The following OGFOD1 variants were observed in gnomAD, a reference collection of about 807,000 sequenced individuals.
OGFOD1 encodes 2-oxoglutarate and iron dependent oxygenase domain containing 1, also known as prolyl 3-hydroxylase OGFOD1.
Under a neutral mutation model 67.7 loss-of-function variants are expected in OGFOD1, and 54 were observed. The ratio of observed to expected loss-of-function variants is 0.80; its 90% CI spans 0.64 to 1.00. The LOEUF is 1.00. Among genes scored for constraint, OGFOD1 ranks in the 50% least tolerant of loss-of-function variants. The pLI, the probability that OGFOD1 is intolerant of heterozygous loss-of-function variation, is 0.00. For synonymous variants in OGFOD1, 221 were observed against 227.0 expected (o/e 0.97, Z 0.24); for missense variants, 606 against 646.7 (o/e 0.94, Z 0.68).
intron 1 of OGFOD1, 84 bp from the exon 2 acceptor site, chr16:56,453,179 C>T: frequency 7.2e-7 from 1 of 1,382,262 alleles, no homozygotes; most frequent in African/African-American, 1.4e-5. Flanking sequence ...ATGACCATCC[C>T]CTTTTGTATT....
chr16:56,465,062 C>T (rs531057490), intron 4 of OGFOD1, among the ~76,000 whole-genome samples: 1 of 151,016 alleles, frequency 6.6e-6, no homozygotes, highest in East Asian at 1.9e-4. Context: ...TACAGTGGTG[C>T]GATCTTGGCT....
chr16:56,456,454 C>T (rs1413583517), intron 2 of OGFOD1, among the ~76,000 whole-genome samples: 1 of 152,224 alleles, frequency 6.6e-6, no homozygotes, highest in African/African-American at 2.4e-5. Context: ...TCTAAATCTG[C>T]TCCACCTGCA....
chr16:56,459,073 G>A (rs912121417), intron 3 of OGFOD1, among the ~76,000 whole-genome samples: 3 of 152,340 alleles, frequency 2.0e-5, no homozygotes, highest in African/African-American at 7.2e-5. Flanking sequence ...GGGCGTGGTG[G>A]CTCACGCCTG....
At position 56,467,190 on chromosome 16, in the gene OGFOD1, A is replaced by G. The variant is rs765263701; in HGVS notation, c.683A>G (p.Lys228Arg). The change falls in exon 7 of 13, where the codon AAG becomes AGG. Residue 228 changes from lysine (K) to arginine (R), a missense_variant. Physicochemically the swap from Lys to Arg is conservative, Grantham distance 26 (BLOSUM62 2). Transcript: ENST00000566157. ...HQVSEVLSEE[K>R]SRLSISGWFH... ...GTGTCTGAAGTGCTGTCTGAAGAAA[A>G]GTCACGTTTGTCTATAAGTGGCTGG... is the stretch of plus-strand genomic sequence containing the variant. The G allele has an allele frequency of 8.7e-6, 14 of 1,614,122 alleles. No individual in the cohort carries two copies. Among genetic ancestry groups the G allele is most frequent in the Middle Eastern group, 1.6e-4 (1 of 6,062 alleles).
rs61745416 is a variant in OGFOD1 at position 56,476,160 on chromosome 16, A to C, written c.1584A>C (p.Pro528=). ...HRSLEQKKTF[P]NRTGFWDFSF... is the part of the protein sequence containing the mutation. ...GCCTGGAACAAAAGAAAACCTTCCC[A>C]AACAGAACAGGTTTCTGGGACTTTT... The change falls in exon 13 of 13, where the codon CCA becomes CCC. Residue 528 remains proline (P), a synonymous_variant. Transcript: ENST00000566157. 17,844 of 1,613,410 alleles carry C rather than the reference A, an allele frequency of 0.011. 130 individuals are homozygous for C. The highest frequency in any genetic ancestry group is 0.018 in the Middle Eastern group (98 of 5,530).
At chr16:56,454,277 G>C (rs1488251795) in intron 2 of OGFOD1, among the ~76,000 whole-genome samples, 8 of 152,120 alleles carry the variant, frequency 5.3e-5, no homozygotes, top group Non-Finnish European at 1.0e-4. Flanking sequence ...GAACCCAGGA[G>C]GTGGAGGTTG....
At chr16:56,465,920 G>A (rs568356634) in intron 4 of OGFOD1, 3 of 364,270 alleles carry the variant, frequency 8.2e-6, no homozygotes, top group Admixed American at 4.3e-5. Context: ...TATTGTTAGC[G>A]ATTATATCTG....
intron 10 of OGFOD1, among the ~76,000 whole-genome samples, chr16:56,473,438 C>T (rs1963297009): frequency 6.6e-6 from 1 of 152,188 alleles, no homozygotes; most frequent in Non-Finnish European, 1.5e-5. Context: ...ATAAACGACA[C>T]ATCCATTGTG....
At chr16:56,469,634 C>A (rs1963058554) in intron 8 of OGFOD1, among the ~76,000 whole-genome samples, 1 of 151,932 alleles carries the variant, frequency 6.6e-6, no homozygotes, top group South Asian at 2.1e-4. Flanking sequence ...GTGGACAGAT[C>A]ACCTGAGGGT....
At chr16:56,459,990 T>G (rs1364154956) in intron 3 of OGFOD1, among the ~76,000 whole-genome samples, 1 of 152,370 alleles carries the variant, frequency 6.6e-6, no homozygotes, top group South Asian at 2.1e-4. Context: ...AAATTATTTA[T>G]TCTCATTATA....
At chr16:56,473,219 C>T (rs1963286808) in intron 10 of OGFOD1, among the ~76,000 whole-genome samples, 1 of 152,150 alleles carries the variant, frequency 6.6e-6, no homozygotes, top group African/African-American at 2.4e-5. Flanking sequence ...AGTGAGCCAC[C>T]ACGCCTGGCC....
intron 3 of OGFOD1, 87 bp downstream of exon 3, chr16:56,458,681 T>C: frequency 8.9e-7 from 1 of 1,119,708 alleles, no homozygotes; most frequent in South Asian, 1.3e-5. Context: ...GTGTATGTCA[T>C]ATAATTCTTG....
At chr16:56,460,331 C>T (rs957712224) in intron 3 of OGFOD1, among the ~76,000 whole-genome samples, 1 of 152,232 alleles carries the variant, frequency 6.6e-6, no homozygotes, top group Non-Finnish European at 1.5e-5. Context: ...ATACAATTAA[C>T]AAATGCTAAC....
intron 7 of OGFOD1, 122 bp downstream of exon 7, chr16:56,467,415 C>CT (rs1308577664): frequency 0.017 from 13,383 of 790,112 alleles, 2 homozygotes; most frequent in Middle Eastern, 0.019. Context: ...TTCCACTTTT[C>CT]TTTTTTTTTT....
chr16:56,465,323 A>G (rs538948045), intron 4 of OGFOD1, among the ~76,000 whole-genome samples: 3 of 152,176 alleles, frequency 2.0e-5, no homozygotes, highest in Non-Finnish European at 4.4e-5. Context: ...ATAGATATAT[A>G]AAACTATAGA....
rs763305640 is a variant in OGFOD1 at position 56,451,693 on chromosome 16, G to A, written c.81G>A (p.Ser27=). Residue 27 remains serine (S), a synonymous_variant, in exon 1 of 13, where the codon TCG becomes TCA. Transcript: ENST00000566157. The part of the protein sequence containing the change: ...KGKKEVMAEF[S]DAVTEETLKK... ...AGAAGGAGGTGATGGCGGAGTTTTC[G>A]GACGCTGTTACGGAAGAAACCTTGA... 1 of 1,614,124 alleles carries A rather than the reference G, an allele frequency of 6.2e-7. No individual in the cohort carries two copies. Among genetic ancestry groups the A allele is most frequent in the South Asian group, 1.1e-5 (1 of 91,076 alleles).
At chr16:56,475,006 C>T (rs1216627211) in intron 11 of OGFOD1, 56 bp downstream of exon 11, 1 of 1,573,576 alleles carries the variant, frequency 6.4e-7, no homozygotes, top group African/African-American at 1.4e-5. Flanking sequence ...GCAGTCTCTT[C>T]TGAGGGACCC....
intron 2 of OGFOD1, chr16:56,454,658 AAAAAAG>A (rs1172358570): frequency 1.7e-5 from 6 of 345,546 alleles, no homozygotes; most frequent in African/African-American, 1.3e-4. Context: ...GGGGGGAAAA[AAAAAAG>A]AAAGATTAAA....
intron 8 of OGFOD1, 92 bp from the exon 9 acceptor site, chr16:56,469,911 G>C: frequency 1.2e-6 from 1 of 856,168 alleles, no homozygotes; most frequent in African/African-American, 1.8e-5. Context: ...GAATCAGCCA[G>C]ATTGATGTTT....
Sources: gnomAD v4.1 joint callset for allele counts (sites outside exome capture counted in the v4.1 genomes callset) on GRCh38, gnomAD v4.1.1 for gene constraint, MANE v1.5 for transcripts, NCBI Gene and HGNC (gene_info 2026-07-23, HGNC 2026-07-21) for gene names.